ATG14: variants seen among roughly 807,000 people sequenced by gnomAD.
The protein encoded by ATG14 is beclin 1-associated autophagy-related key regulator.
ATG14 carries 35 observed loss-of-function variants against 60.4 expected under a neutral mutation model. That is an observed-to-expected ratio of 0.58 (90% CI 0.44 to 0.77). The LOEUF (loss-of-function observed/expected upper bound fraction) is 0.77. ATG14 is among the 30% of genes least tolerant of loss of function. ATG14 has a pLI of 0.00. For synonymous variants in ATG14, 234 were observed against 228.8 expected, an observed-to-expected ratio of 1.02 and a Z score of -0.21; for missense variants, 647 against 626.3, an observed-to-expected ratio of 1.03 and a Z score of -0.35.
At position 55,400,203 on chromosome 14, in the gene ATG14, A is replaced by G. The variant is rs1317217523; in HGVS notation, c.222-2769T>C. Among the ~76,000 whole-genome samples, 3 of 152,232 alleles carry G rather than the reference A, an allele frequency of 2.0e-5. No homozygotes were observed. In the East Asian group the frequency reaches 5.8e-4, roughly 29 times the overall value. ...GCAGTCTCCATCCCACCACTCACAG[A>G]AGGAGATAAAAAATTCATTCCACAA... On this transcript the variant is annotated intron_variant, in intron 1 of 9. Transcript: ENST00000247178.
intron 7 of ATG14, among the ~76,000 whole-genome samples, chr14:55,379,534 G>C (rs72717741): frequency 0.02 from 3,116 of 152,228 alleles, 69 homozygotes; most frequent in African/African-American, 0.051. Flanking sequence ...GACAGAGTGA[G>C]ACCCTGTCTT....
At chr14:55,403,387 C>A (rs146767875) in intron 1 of ATG14, among the ~76,000 whole-genome samples, 206 of 152,230 alleles carry the variant, frequency 1.4e-3, no homozygotes, top group Middle Eastern at 0.01. Context: ...TCTAACTACA[C>A]TCGCTTCTTC....
chr14:55,387,815 C>T (rs896200832), intron 4 of ATG14, among the ~76,000 whole-genome samples: 38 of 152,172 alleles, frequency 2.5e-4, no homozygotes, highest in East Asian at 1.2e-3. Context: ...ATTACAGGCA[C>T]ACACCACCAC....
At chr14:55,371,221 A>G (rs1287224289) in intron 9 of ATG14, among the ~76,000 whole-genome samples, 1 of 152,218 alleles carries the variant, frequency 6.6e-6, no homozygotes, top group Non-Finnish European at 1.5e-5. Context: ...ATGAGAGCCT[A>G]GAATCGTATA....
At chr14:55,392,347 T>A (rs1397871566) in intron 3 of ATG14, among the ~76,000 whole-genome samples, 1 of 151,778 alleles carries the variant, frequency 6.6e-6, no homozygotes, top group Non-Finnish European at 1.5e-5. Flanking sequence ...GAACAAAGGA[T>A]CAATAAAAAT....
intron 6 of ATG14, 115 bp from the exon 7 acceptor site, chr14:55,380,805 T>TA: frequency 2.0e-6 from 1 of 493,508 alleles, no homozygotes; most frequent in Non-Finnish European, 3.5e-6. Context: ...GTTTTAGTGC[T>TA]TCCTTAATAG....
intron 3 of ATG14, 56 bp from the exon 4 acceptor site, chr14:55,391,048 T>TTATC: frequency 8.4e-7 from 1 of 1,183,890 alleles, no homozygotes. Flanking sequence ...GTTAATATGA[T>TTATC]TATCTACCTG....
chr14:55,380,493 G>T, intron 7 of ATG14, 80 bp downstream of exon 7: 3 of 903,356 alleles, frequency 3.3e-6, no homozygotes, highest in Non-Finnish European at 5.2e-6. Flanking sequence ...CTTATTTTTG[G>T]TTTATTGGAA....
At position 55,391,008 on chromosome 14, in the gene ATG14, A is replaced by G; in HGVS notation, c.328-16T>C. On this transcript the variant is annotated splice_polypyrimidine_tract_variant and intron_variant, in intron 3 of 9. Transcript: ENST00000247178. Reference sequence around the variant, plus strand: ...TTTTCCATCTCTGAAAAAAGCATGTAATAAATATCACAAACGTTGGTCTCT... The same window carrying G: ...TTTTCCATCTCTGAAAAAAGCATGTGATAAATATCACAAACGTTGGTCTCT... 1 of 1,578,956 alleles carries G rather than the reference A, an allele frequency of 6.3e-7. No individual in the cohort carries two copies. The highest frequency in any genetic ancestry group is 8.7e-7 in the Non-Finnish European group (1 of 1,153,496).
intron 1 of ATG14, among the ~76,000 whole-genome samples, chr14:55,403,002 C>A (rs533146311): frequency 3.7e-4 from 44 of 118,694 alleles, no homozygotes; most frequent in South Asian, 1.3e-3. Flanking sequence ...TGGCTACAGT[C>A]CTAACTTCTC....
intron 9 of ATG14, among the ~76,000 whole-genome samples, chr14:55,377,117 CG>C (rs1012767468): frequency 6.6e-6 from 1 of 152,084 alleles, no homozygotes; most frequent in Admixed American, 6.5e-5. Context: ...GAAGCCGAAG[CG>C]GGTGGATCAC....
chr14:55,395,693 T>C (rs148592534), intron 3 of ATG14, among the ~76,000 whole-genome samples: 206 of 152,306 alleles, frequency 1.4e-3, no homozygotes, highest in African/African-American at 4.8e-3. Flanking sequence ...TAACAGCCCA[T>C]TGTTTTTGTT....
intron 6 of ATG14, 142 bp from the exon 7 acceptor site, chr14:55,380,832 C>A: frequency 1.5e-5 from 4 of 268,694 alleles, no homozygotes; most frequent in Non-Finnish European, 2.7e-5. Flanking sequence ...CATGACCAGA[C>A]ATAAATGGTC....
In ATG14 at chr14:55,368,020, C is replaced by T. The variant is rs188480225; in HGVS notation, c.*1599G>A. 6.9e-4 allele frequency: 105 copies of T among 152,732 alleles called. No individual in the cohort carries two copies. Among genetic ancestry groups the T allele is most frequent in the Middle Eastern group, 6.8e-3 (2 of 294 alleles). The allele number at this position is 152,732 out of a possible 1,614,324, so 9.5% of individuals were successfully genotyped here. On this transcript the variant is annotated 3_prime_UTR_variant, in exon 10 of 10. Coordinates refer to ENST00000247178, the MANE Select transcript of ATG14 (RefSeq NM_014924.5). ...ATCAGAGGTGCTATCATGCCAATCA[C>T]ATAAGATATGGTAATAATGCCTGTT...
intron 1 of ATG14, among the ~76,000 whole-genome samples, chr14:55,405,582 C>T (rs1375552380): frequency 2.6e-5 from 4 of 152,216 alleles, no homozygotes; most frequent in African/African-American, 9.7e-5. Context: ...CAGTCCCATT[C>T]CCCCACCTAA....
In ATG14 at chr14:55,380,576, T is replaced by C. The variant is rs1235668204; in HGVS notation, c.992A>G (p.Asn331Ser). The stretch of plus-strand genomic sequence containing the variant: ...ATTACCACCTTCAATTACTTGCCTG[T>C]TGCAGAGCTTTTTGGGAAGATTTAC... ...LDVNLPKKLC[N>S]SEFCGENLSK... The change falls in exon 7 of 10, where the codon AAC becomes AGC. Residue 331 changes from asparagine to serine, a missense_variant. Transcript: ENST00000247178. The C allele has an allele frequency of 4.4e-6, 7 of 1,598,720 alleles. No individual in the cohort carries two copies. The highest frequency in any genetic ancestry group is 1.3e-5 in the African/African-American group (1 of 74,594).
intron 9 of ATG14, among the ~76,000 whole-genome samples, chr14:55,371,822 CAA>C (rs1195067989): frequency 6.6e-6 from 1 of 151,940 alleles, no homozygotes; most frequent in African/African-American, 2.4e-5. Context: ...AACAAAAAAA[CAA>C]AGAGCCCCTC....
At chr14:55,411,086 C>T (rs1050390398) in intron 1 of ATG14, among the ~76,000 whole-genome samples, 2 of 152,178 alleles carry the variant, frequency 1.3e-5, no homozygotes, top group African/African-American at 4.8e-5. Context: ...GGGGCGTTAA[C>T]AGCAAGCCTC....
intron 5 of ATG14, 83 bp from the exon 6 acceptor site, chr14:55,382,274 A>G (rs2140131559): frequency 1.6e-6 from 2 of 1,234,740 alleles, no homozygotes; most frequent in Non-Finnish European, 2.3e-6. Flanking sequence ...ATGCTAGAAC[A>G]TCGAAAAGCT....
Sources: allele counts gnomAD v4.1 joint callset (sites outside exome capture counted in the v4.1 genomes callset), GRCh38; gene constraint gnomAD v4.1.1; transcripts MANE v1.5; gene names NCBI Gene and HGNC (gene_info 2026-07-23, HGNC 2026-07-21).